SPTBN2: variants seen among roughly 807,000 people sequenced by gnomAD.
The protein encoded by SPTBN2 is spectrin beta chain, non-erythrocytic 2.
In SPTBN2, 107 loss-of-function variants were observed where a neutral mutation model predicts 284.2. The observed-to-expected ratio is 0.38, with a 90% CI of 0.32 to 0.44. The LOEUF (loss-of-function observed/expected upper bound fraction) is 0.44. SPTBN2 is among the 20% of genes least tolerant of loss of function. SPTBN2 has a pLI of 1.00. For missense variants in SPTBN2, 2,569 were observed against 3,287.1 expected (o/e 0.78, Z 5.34); for synonymous variants, 1,289 against 1,354.8 (o/e 0.95, Z 1.07).
Position 66,686,311 on chromosome 11 carries a change from AAG to A in SPTBN2, c.6939+85_6939+86del, listed in dbSNP as rs780907117. The A allele has an allele frequency of 1.7e-5, 27 of 1,566,248 alleles. No homozygotes were observed. In the South Asian group the frequency reaches 2.7e-4, roughly 15 times the overall value. On this transcript the variant is annotated intron_variant, in intron 37 of 37. Coordinates refer to ENST00000533211, the MANE Select transcript of SPTBN2 (RefSeq NM_006946.4). ...TACCACAAAGGACAAGACCAGGAAA[AAG>A]AGGGAGGACAGGGAAAGAAGGGGAG... is the stretch of plus-strand genomic sequence containing the variant.
intron 27 of SPTBN2, among the ~76,000 whole-genome samples, chr11:66,690,878 A>G (rs571993217): frequency 6.6e-6 from 1 of 152,006 alleles, no homozygotes; most frequent in African/African-American, 2.4e-5. Flanking sequence ...AGTGCAGTGG[A>G]GGGATCTCAG....
At chr11:66,728,312 CGGCGCGGGG>C (rs1413220941) in intron 1 of SPTBN2, 1 of 144,960 alleles carries the variant, frequency 6.9e-6, no homozygotes, top group East Asian at 2.0e-4. Flanking sequence ...GGGGCGCAGG[CGGCGCGGGG>C]GGCGCGCGGG....
In SPTBN2 at chr11:66,696,541, C is replaced by A; in HGVS notation, c.4015-1G>T. On this transcript the variant is annotated splice_acceptor_variant, in intron 20 of 37. Coordinates refer to ENST00000533211, the MANE Select transcript of SPTBN2 (RefSeq NM_006946.4). LOFTEE classifies it high-confidence loss of function. ...TCTCAAGGGTGAGCTCTCGCCCTTC[C>A]TGGAAGGCAGGACAGAAAATGTCAA... 1 of 1,610,936 alleles carries A rather than the reference C, an allele frequency of 6.2e-7. No homozygotes were observed. The highest frequency in any genetic ancestry group is 8.5e-7 in the Non-Finnish European group (1 of 1,180,024).
rs1211605289 is a variant in SPTBN2 at position 66,707,495 on chromosome 11, C to A, written c.1653+21G>T. 1 of 1,582,300 alleles carries A rather than the reference C, an allele frequency of 6.3e-7. No individual in the cohort carries two copies. Among genetic ancestry groups the A allele is most frequent in the Non-Finnish European group, 8.6e-7 (1 of 1,164,604 alleles). Reference sequence around the variant, plus strand: ...TCGACTCTTGATCACTCTTACCCCACCCAGCACGCCTCACTGGTACCTTCA... The same window carrying A: ...TCGACTCTTGATCACTCTTACCCCAACCAGCACGCCTCACTGGTACCTTCA... On this transcript the variant is annotated intron_variant, in intron 13 of 37. Transcript: ENST00000533211. This position sits in a 1 kb window ranked among gnomAD's most constrained non-coding sequence, Gnocchi z 4.9.
Position 66,685,352 on chromosome 11 carries a change from T to G in SPTBN2, c.*519A>C, listed in dbSNP as rs1251068619. On this transcript the variant is annotated 3_prime_UTR_variant, in exon 38 of 38. Coordinates refer to ENST00000533211, the MANE Select transcript of SPTBN2 (RefSeq NM_006946.4). This position sits in a 1 kb window ranked among gnomAD's most constrained non-coding sequence, Gnocchi z 4.4. ...CCATTGAGAGCAGCTGGAGATGGAG[T>G]GGCAGCTGGAGTTACAGGGTGGGGG... 4.4e-5 allele frequency: 5 copies of G among 112,604 alleles called. No homozygotes were observed. The highest frequency in any genetic ancestry group is 3.3e-4 in the Admixed American group (3 of 8,986). 7.0% of individuals were successfully genotyped at this position (112,604 alleles called of 1,614,324 possible). A position where few individuals can be genotyped will look rare whatever the true frequency, so the allele number is the denominator to read the frequency against.
intron 3 of SPTBN2, among the ~76,000 whole-genome samples, chr11:66,720,150 G>A (rs1300438483): frequency 6.6e-6 from 1 of 152,160 alleles, no homozygotes; most frequent in African/African-American, 2.4e-5. Flanking sequence ...TAAAACATGT[G>A]GCCAGGTTTG....
At chr11:66,731,306 TAGTGAACCAG>T (rs1167554765), upstream of SPTBN2, among the ~76,000 whole-genome samples, 2 of 152,240 alleles carry the variant, frequency 1.3e-5, no homozygotes, top group Admixed American at 1.3e-4. Flanking sequence ...TTTTGCTCTG[TAGTGAACCAG>T]TACAGTCAAT....
Position 66,714,074 on chromosome 11 carries a change from T to TA in SPTBN2, c.656+16dup, listed in dbSNP as rs754847490. On this transcript the variant is annotated intron_variant, in intron 7 of 37. Coordinates refer to ENST00000533211, the MANE Select transcript of SPTBN2 (RefSeq NM_006946.4). ...GACCCAGCAGCTCTGCTGCGTTTGC[T>TA]AACCCCATCTTCTCACCGGTGTTTA... The TA allele has an allele frequency of 3.1e-5, 50 of 1,613,916 alleles. No homozygotes were observed. The highest frequency in any genetic ancestry group is 4.2e-5 in the Non-Finnish European group (49 of 1,179,868).
At chr11:66,723,843 C>T (rs1366446321) in intron 1 of SPTBN2, among the ~76,000 whole-genome samples, 2 of 152,176 alleles carry the variant, frequency 1.3e-5, no homozygotes, top group African/African-American at 4.8e-5. Context: ...ATACTCTCAG[C>T]TTCTAGACGG....
upstream of SPTBN2, among the ~76,000 whole-genome samples, chr11:66,730,105 G>A (rs939883653): frequency 2.6e-5 from 4 of 152,006 alleles, no homozygotes; most frequent in African/African-American, 9.7e-5. Flanking sequence ...CCAGGCCTGA[G>A]GCTATTTATT....
rs770472919 is a variant in SPTBN2 at position 66,688,076 on chromosome 11, G to C, written c.6378C>G (p.Thr2126=). The change falls in exon 33 of 38, where the codon ACC becomes ACG. Residue 2126 remains threonine (T), a synonymous_variant. Transcript: ENST00000533211. ...GTGTGGATGGTGGTGGCCGTGGCTG[G>C]GTTCTGGGATGACCAAAGGCAACAC... ...QTASDTTWDG[T]QPRPPPSTQA... 1 of 1,609,504 alleles carries C rather than the reference G, an allele frequency of 6.2e-7. No homozygotes were observed. Among genetic ancestry groups the C allele is most frequent in the Non-Finnish European group, 8.5e-7 (1 of 1,178,000 alleles).
At chr11:66,705,563 C>T in intron 14 of SPTBN2, 95 bp from the exon 15 acceptor site, 1 of 1,604,426 alleles carries the variant, frequency 6.2e-7, no homozygotes, top group Non-Finnish European at 8.5e-7. Flanking sequence ...CTGGCTTTAG[C>T]TCAGTCACCA....
At chr11:66,724,241 C>T (rs1227922589) in intron 1 of SPTBN2, among the ~76,000 whole-genome samples, 3 of 152,084 alleles carry the variant, frequency 2.0e-5, no homozygotes, top group African/African-American at 7.2e-5. Flanking sequence ...GCCAACAAGG[C>T]GAAACCCCCG....
chr11:66,699,695 G>A, intron 17 of SPTBN2, 87 bp from the exon 18 acceptor site: 1 of 1,356,320 alleles, frequency 7.4e-7, no homozygotes, highest in Non-Finnish European at 1.0e-6. Context: ...AATCTGAGAG[G>A]TAGGGACCAA....
At position 66,691,228 on chromosome 11, in the gene SPTBN2, C is replaced by T. The variant is rs1467495176; in HGVS notation, c.5565+56G>A. On this transcript the variant is annotated intron_variant, in intron 27 of 37. Transcript: ENST00000533211. The surrounding 1 kb of genome is among the most constrained non-coding windows in gnomAD (Gnocchi z 8.0). ...CCTAGCTCCTGGGAACTCTCCCCGG[C>T]ATTTCCCCCATGGCCTCCTCTAAGC... 3 of 1,500,002 alleles carry T rather than the reference C, an allele frequency of 2.0e-6. No individual in the cohort carries two copies. The highest frequency in any genetic ancestry group is 2.7e-6 in the Non-Finnish European group (3 of 1,123,834). The allele number at this position is 1,500,002 out of a possible 1,614,324, so 92.9% of individuals were successfully genotyped here.
chr11:66,695,589 C>T (rs1940856875), intron 21 of SPTBN2, among the ~76,000 whole-genome samples: 1 of 152,092 alleles, frequency 6.6e-6, no homozygotes, highest in South Asian at 2.1e-4. Flanking sequence ...TAATCCGCAG[C>T]TGCTTTTCCT....
intron 29 of SPTBN2, 38 bp from the exon 30 acceptor site, chr11:66,689,218 A>G: frequency 1.9e-6 from 3 of 1,581,804 alleles, no homozygotes; most frequent in Admixed American, 1.8e-5. Flanking sequence ...TAGCACCAGG[A>G]TGTGAGATCT....
At chr11:66,738,476 A>G (rs114568685) in intron 1 of SPTBN2, among the ~76,000 whole-genome samples, 1,648 of 152,332 alleles carry the variant, frequency 0.011, 36 homozygotes, top group African/African-American at 0.037. Flanking sequence ...AAGTGGCCTT[A>G]ACGCCAGAAC....
intron 8 of SPTBN2, among the ~76,000 whole-genome samples, chr11:66,711,863 T>C (rs1244747427): frequency 6.6e-6 from 1 of 152,200 alleles, no homozygotes. Flanking sequence ...TGTCTGTTGC[T>C]AGCTCGCTGA....
Sources: allele counts gnomAD v4.1 joint callset (sites outside exome capture counted in the v4.1 genomes callset), GRCh38; gene constraint gnomAD v4.1.1; non-coding constraint Gnocchi (gnomAD v3.1); transcripts MANE v1.5; gene names NCBI Gene and HGNC (gene_info 2026-07-23, HGNC 2026-07-21).